The following NKAIN2 variants were observed in gnomAD, a reference collection of about 807,000 sequenced individuals.
NKAIN2 encodes the protein sodium/potassium transporting ATPase interacting 2, also known as sodium/potassium-transporting ATPase subunit beta-1-interacting protein 2.
In NKAIN2, 14 loss-of-function variants were observed where a neutral mutation model predicts 32.6. That is an observed-to-expected ratio of 0.43 (90% CI 0.28 to 0.67). NKAIN2 has a LOEUF of 0.67. Ranked by LOEUF, NKAIN2 falls within the 30% of genes least tolerant of loss-of-function variation. The probability of loss-of-function intolerance (pLI) is 0.17; values close to 1 mark genes in which losing one functional copy is unlikely to be tolerated. For missense variants in NKAIN2, 198 were observed against 258.3 expected (o/e 0.77, Z 1.60); for synonymous variants, 80 against 87.2 (o/e 0.92, Z 0.46).
At chr6:123,927,098 T>C (rs1257293005) in intron 1 of NKAIN2, among the ~76,000 whole-genome samples, 1 of 152,190 alleles carries the variant, frequency 6.6e-6, no homozygotes, top group African/African-American at 2.4e-5. Context: ...TTCCCGCATT[T>C]GCTTCCTACT....
chr6:124,126,504 T>C (rs1786171956), intron 1 of NKAIN2, among the ~76,000 whole-genome samples: 1 of 152,212 alleles, frequency 6.6e-6, no homozygotes, highest in Non-Finnish European at 1.5e-5. Context: ...CTTAACTCTA[T>C]CTACTATTGA....
chr6:123,987,164 GAAGT>G (rs1364179180), intron 1 of NKAIN2, among the ~76,000 whole-genome samples: 1 of 152,102 alleles, frequency 6.6e-6, no homozygotes, highest in African/African-American at 2.4e-5. Flanking sequence ...AAGAAATAGA[GAAGT>G]AAGAGATGAG....
In NKAIN2 at chr6:124,525,562, C is replaced by T. The variant is rs190745684; in HGVS notation, c.274-132624C>T. Among the ~76,000 whole-genome samples, 7 of 152,086 alleles carry T rather than the reference C, an allele frequency of 4.6e-5. No individual in the cohort carries two copies. In the East Asian group the frequency reaches 5.8e-4, roughly 13 times the overall value. The stretch of plus-strand genomic sequence containing the variant: ...GGAAAAAAACTTATATGGGACAGGA[C>T]GTTTTACTTTACATTATCCCATTTT... On this transcript the variant is annotated intron_variant, in intron 3 of 6. Coordinates refer to ENST00000368417, the MANE Select transcript of NKAIN2 (RefSeq NM_001040214.3).
chr6:124,491,935 G>A (rs1412395516), intron 3 of NKAIN2, among the ~76,000 whole-genome samples: 1 of 151,878 alleles, frequency 6.6e-6, no homozygotes, highest in East Asian at 1.9e-4. Flanking sequence ...AAGTCCTCTA[G>A]AATTTAAGCT....
chr6:124,102,450 G>C (rs1246825097), intron 1 of NKAIN2, among the ~76,000 whole-genome samples: 1 of 152,220 alleles, frequency 6.6e-6, no homozygotes, highest in African/African-American at 2.4e-5. Context: ...ATTTATGTGA[G>C]GTACAAAGGA....
chr6:123,806,383 G>T (rs1773214599), intron 1 of NKAIN2, among the ~76,000 whole-genome samples: 1 of 151,886 alleles, frequency 6.6e-6, no homozygotes, highest in African/African-American at 2.4e-5. Flanking sequence ...AAAAAACAAA[G>T]GACAAAGAAA....
intron 3 of NKAIN2, among the ~76,000 whole-genome samples, chr6:124,415,848 C>G (rs1392080612): frequency 1.0e-5 from 1 of 97,982 alleles, no homozygotes; most frequent in African/African-American, 3.7e-5. Flanking sequence ...TTTTTATTTG[C>G]TTTTTTTTTT....
chr6:124,798,056 CTATCTAT>C (rs1413234060), intron 5 of NKAIN2, among the ~76,000 whole-genome samples: 2 of 149,502 alleles, frequency 1.3e-5, no homozygotes, highest in Non-Finnish European at 3.0e-5. Flanking sequence ...TTCTTCTTAT[CTATCTAT>C]TATCTATCTA....
chr6:124,534,771 C>T (rs910348355), intron 3 of NKAIN2, among the ~76,000 whole-genome samples: 8 of 152,160 alleles, frequency 5.3e-5, no homozygotes, highest in African/African-American at 1.7e-4. Flanking sequence ...TTCCAACCCA[C>T]ATTAATATCT....
chr6:123,817,812 G>T (rs1773756508), intron 1 of NKAIN2, among the ~76,000 whole-genome samples: 1 of 152,170 alleles, frequency 6.6e-6, no homozygotes, highest in African/African-American at 2.4e-5. Flanking sequence ...AAGAAGATTG[G>T]AAGGTAGGTT....
intron 4 of NKAIN2, among the ~76,000 whole-genome samples, chr6:124,747,036 A>G (rs1158297912): frequency 1.3e-5 from 2 of 152,000 alleles, no homozygotes; most frequent in Non-Finnish European, 2.9e-5. Flanking sequence ...AAAACTACAA[A>G]TGACTGGCCA....
intron 4 of NKAIN2, among the ~76,000 whole-genome samples, chr6:124,778,904 G>A (rs1216097096): frequency 1.3e-5 from 2 of 152,000 alleles, no homozygotes; most frequent in Non-Finnish European, 2.9e-5. Flanking sequence ...AAAAACCGAT[G>A]AACATTTACA....
chr6:124,459,941 T>A (rs778774614), intron 3 of NKAIN2, among the ~76,000 whole-genome samples: 11 of 151,846 alleles, frequency 7.2e-5, no homozygotes, highest in Non-Finnish European at 5.9e-5. Flanking sequence ...TTATACATTC[T>A]TTCCTTATTT....
intron 1 of NKAIN2, among the ~76,000 whole-genome samples, chr6:123,985,666 A>G (rs1779103795): frequency 6.6e-6 from 1 of 152,194 alleles, no homozygotes; most frequent in South Asian, 2.1e-4. Flanking sequence ...GGCACACAAC[A>G]TAGTGGCAAA....
At chr6:124,191,318 C>T (rs1488618681) in intron 1 of NKAIN2, among the ~76,000 whole-genome samples, 6 of 151,824 alleles carry the variant, frequency 4.0e-5, no homozygotes, top group Non-Finnish European at 5.9e-5. Flanking sequence ...GTGTATAGGT[C>T]TTGCACATCT....
At chr6:123,883,558 T>C (rs1012572904) in intron 1 of NKAIN2, among the ~76,000 whole-genome samples, 1 of 151,912 alleles carries the variant, frequency 6.6e-6, no homozygotes, top group Non-Finnish European at 1.5e-5. Flanking sequence ...CTTCACCTTC[T>C]GCCATGATTG....
chr6:123,964,064 T>G lies in NKAIN2; in HGVS notation c.54+159810T>G, dbSNP rs955167314. 6.6e-6 allele frequency among the ~76,000 whole-genome samples: 1 copy of G among 152,186 alleles called. No individual in the cohort carries two copies. Among genetic ancestry groups the G allele is most frequent in the Non-Finnish European group, 1.5e-5 (1 of 68,026 alleles). On this transcript the variant is annotated intron_variant, in intron 1 of 6. Transcript: ENST00000368417. This position sits in a 1 kb window ranked among gnomAD's most constrained non-coding sequence, Gnocchi z 4.0. ...CAAATTCATTTGAAAAATGAATCCT[T>G]GTTCAGGAACACAACATCCAATTAC...
At chr6:124,260,815 A>G in intron 1 of NKAIN2, among the ~76,000 whole-genome samples, 1 of 152,294 alleles carries the variant, frequency 6.6e-6, no homozygotes, top group Middle Eastern at 3.4e-3. Context: ...ATTTTGATAT[A>G]GTTGAGACCC....
At chr6:124,023,355 T>G (rs1780959111) in intron 1 of NKAIN2, among the ~76,000 whole-genome samples, 1 of 152,082 alleles carries the variant, frequency 6.6e-6, no homozygotes, top group Admixed American at 6.6e-5. Context: ...TTTCTAATAC[T>G]CCTTCATTTC....
Sources: allele counts gnomAD v4.1 joint callset (sites outside exome capture counted in the v4.1 genomes callset), GRCh38; gene constraint gnomAD v4.1.1; non-coding constraint Gnocchi (gnomAD v3.1); transcripts MANE v1.5; gene names NCBI Gene and HGNC (gene_info 2026-07-23, HGNC 2026-07-21).